GBF1: variants seen among roughly 807,000 people sequenced by gnomAD.
GBF1 encodes the protein Golgi-specific brefeldin A-resistance guanine nucleotide exchange factor 1.
GBF1 carries 114 observed loss-of-function variants against 210.5 expected under a neutral mutation model. The ratio of observed to expected loss-of-function variants is 0.54; its 90% CI spans 0.47 to 0.63. GBF1 has a LOEUF of 0.63. Ranked by LOEUF, GBF1 falls within the 30% of genes least tolerant of loss-of-function variation. The pLI is 0.00. For synonymous variants in GBF1, 850 were observed against 889.2 expected, an observed-to-expected ratio of 0.96 and a Z score of 0.78; for missense variants, 1,851 against 2,357.7, an observed-to-expected ratio of 0.79 and a Z score of 4.45.
chr10:102,234,487 G>A, the GBF1 span, among the ~76,000 whole-genome samples: 1 of 152,166 alleles, frequency 6.6e-6, no homozygotes, highest in Admixed American at 6.5e-5. Context: ...GTCAGGTCAG[G>A]GGGTTTGGAG....
Position 102,362,483 on chromosome 10 carries a change from C to T in GBF1, c.1695C>T (p.Phe565=). The T allele has an allele frequency of 6.2e-7, 1 of 1,608,368 alleles. No individual in the cohort carries two copies. The highest frequency in any genetic ancestry group is 8.5e-7 in the Non-Finnish European group (1 of 1,175,098). ...ATCTGTTTACTTTCCAGAATGCCTT[C>T]CCTGTGTCTGGTCAACTCTATACAA... The part of the protein sequence containing the change: ...ELTKLLSKNA[F]PVSGQLYTTH... Residue 565 remains phenylalanine, a synonymous_variant, in exon 15 of 40, where the codon TTC becomes TTT. Coordinates refer to ENST00000369983, the MANE Select transcript of GBF1 (RefSeq NM_001377137.1).
At chr10:102,275,218 C>T (rs571297372) in intron 3 of GBF1, among the ~76,000 whole-genome samples, 9 of 152,120 alleles carry the variant, frequency 5.9e-5, no homozygotes, top group African/African-American at 1.9e-4. Context: ...CTGTTTTTTC[C>T]AGCCAGGGTC....
intron 3 of GBF1, among the ~76,000 whole-genome samples, chr10:102,293,776 T>TTTTTG: frequency 3.5e-5 from 1 of 28,220 alleles, no homozygotes; most frequent in Non-Finnish European, 6.0e-5. Flanking sequence ...TTTGTGTTTT[T>TTTTTG]TTTTTTTTTT....
At chr10:102,235,084 A>G in the GBF1 span, among the ~76,000 whole-genome samples, 1 of 152,064 alleles carries the variant, frequency 6.6e-6, no homozygotes, top group Non-Finnish European at 1.5e-5. Context: ...ATCCAGGCAG[A>G]CAGACACGTA....
rs149749441 is a variant in GBF1, at chr10:102,322,032, G to T, written c.164-22019G>T. Among the ~76,000 whole-genome samples the T allele has an allele frequency of 3.9e-3, 593 of 152,090 alleles. 3 individuals are homozygous for T. The highest frequency in any genetic ancestry group is 5.0e-3 in the African/African-American group (206 of 41,512). Reference sequence around the variant, plus strand: ...CAACACCACGCCCAGGTAATTTTTTGTATTTTTTGTAGAGACAGGGTTTCA... The same window carrying T: ...CAACACCACGCCCAGGTAATTTTTTTTATTTTTTGTAGAGACAGGGTTTCA... On this transcript the variant is annotated intron_variant, in intron 3 of 39. Transcript: ENST00000369983.
chr10:102,332,596 C>T (rs969017758), intron 3 of GBF1, among the ~76,000 whole-genome samples: 1 of 152,098 alleles, frequency 6.6e-6, no homozygotes, highest in Admixed American at 6.6e-5. Flanking sequence ...GTTGGTCAGG[C>T]TGGTATCTAA....
At chr10:102,343,617 G>A (rs570527527) in intron 3 of GBF1, among the ~76,000 whole-genome samples, 1 of 152,024 alleles carries the variant, frequency 6.6e-6, no homozygotes, top group Admixed American at 6.6e-5. Context: ...TCAGGAGTTC[G>A]AGACCAACCT....
chr10:102,316,602 G>A (rs916290113), intron 3 of GBF1, among the ~76,000 whole-genome samples: 13 of 152,290 alleles, frequency 8.5e-5, no homozygotes, highest in African/African-American at 3.1e-4. Flanking sequence ...CACAGTTAAC[G>A]AGTAGAATAC....
In GBF1 at chr10:102,361,986, TTACA is replaced by T. The variant is rs527581341; in HGVS notation, c.1686+79_1686+82del. ...AATCTCCCTGGTGGTAGTGAGGATG[TTACA>T]TACAGAGAGGGGAACACTTGAGAGC... On this transcript the variant is annotated intron_variant, in intron 14 of 39. Coordinates refer to ENST00000369983, the MANE Select transcript of GBF1 (RefSeq NM_001377137.1). 2.0e-5 allele frequency: 15 copies of T among 758,592 alleles called. No homozygotes were observed. The African/African-American group carries it at 2.1e-4, about 11-fold the overall frequency. 47.0% of individuals were successfully genotyped at this position (758,592 alleles called of 1,614,324 possible). A position where few individuals can be genotyped will look rare whatever the true frequency, so the allele number is the denominator to read the frequency against.
Position 102,380,263 on chromosome 10 carries a change from C to G in GBF1, c.4893C>G (p.His1631Gln), listed in dbSNP as rs775230240. 1 of 1,613,194 alleles carries G rather than the reference C, an allele frequency of 6.2e-7. No individual in the cohort carries two copies. Among genetic ancestry groups the G allele is most frequent in the East Asian group, 2.2e-5 (1 of 44,882 alleles). Residue 1631 changes from histidine to glutamine, a missense_variant, in exon 37 of 40, where the codon CAC becomes CAG. Coordinates refer to ENST00000369983, the MANE Select transcript of GBF1 (RefSeq NM_001377137.1). Reference protein sequence around the residue: ...STLLSKVFLQHLSPLLSLSTF... With the variant: ...STLLSKVFLQQLSPLLSLSTF... ...GTGGGCCATAGGTCTTCCTGCAGCA[C>G]CTGTCTCCACTGCTGTCACTCTCTA...
At chr10:102,294,003 C>T (rs1045112470) in intron 3 of GBF1, among the ~76,000 whole-genome samples, 1 of 151,354 alleles carries the variant, frequency 6.6e-6, no homozygotes, top group Non-Finnish European at 1.5e-5. Context: ...TGGTCTCGAT[C>T]TCCTGACCTC....
chr10:102,233,081 T>C, the GBF1 span, among the ~76,000 whole-genome samples: 1 of 152,240 alleles, frequency 6.6e-6, no homozygotes, highest in Admixed American at 6.5e-5. Flanking sequence ...TAATGCTTTT[T>C]CTTTGTTTGC....
rs1565184994 is a variant in GBF1 at position 102,376,976 on chromosome 10, G to T, written c.4330G>T (p.Asp1444Tyr). The T allele has an allele frequency of 2.5e-6, 4 of 1,614,090 alleles. No homozygotes were observed. Among genetic ancestry groups the T allele is most frequent in the Non-Finnish European group, 3.4e-6 (4 of 1,180,044 alleles). The change falls in exon 33 of 40, where the codon GAC becomes TAC. Residue 1444 changes from aspartate to tyrosine, a missense_variant. Transcript: ENST00000369983. Reference sequence around the variant, plus strand: ...GAAACGTGGCAAGAGTCACAAATATGACAGCAAAGGGAACCGCTTCAAGAA... The same window carrying T: ...GAAACGTGGCAAGAGTCACAAATATTACAGCAAAGGGAACCGCTTCAAGAA... ...QEKRGKSHKY[D>Y]SKGNRFKKKS... is the part of the protein sequence containing the mutation.
chr10:102,266,134 GA>G (rs1451587068), intron 3 of GBF1, among the ~76,000 whole-genome samples: 1 of 152,072 alleles, frequency 6.6e-6, no homozygotes. Context: ...AGCTACTCGG[GA>G]GGCTGAGGCA....
At chr10:102,263,705 C>T (rs953239128) in intron 3 of GBF1, among the ~76,000 whole-genome samples, 1 of 152,164 alleles carries the variant, frequency 6.6e-6, no homozygotes, top group Non-Finnish European at 1.5e-5. Flanking sequence ...AGATGTATGT[C>T]ATTGGACCAC....
In GBF1 at chr10:102,290,661, G is replaced by A. The variant is rs548274626; in HGVS notation, c.163+30545G>A. On this transcript the variant is annotated intron_variant, in intron 3 of 39. Transcript: ENST00000369983. Reference sequence around the variant, plus strand: ...CTACAGGTGTGTGCCTCCACTCCTGGCTAATTTCTATATATTAATATTTTG... The same window carrying A: ...CTACAGGTGTGTGCCTCCACTCCTGACTAATTTCTATATATTAATATTTTG... Among the ~76,000 whole-genome samples the A allele has an allele frequency of 1.1e-4, 17 of 152,106 alleles. 1 individual carries two copies. In the East Asian group the frequency reaches 3.1e-3, roughly 28 times the overall value.
chr10:102,232,783 C>T, the GBF1 span, among the ~76,000 whole-genome samples: 1 of 152,244 alleles, frequency 6.6e-6, no homozygotes, highest in Non-Finnish European at 1.5e-5. Flanking sequence ...TAGTATCCCC[C>T]TATACTCATA....
the GBF1 span, chr10:102,231,215 G>C: frequency 9.5e-7 from 1 of 1,047,482 alleles, no homozygotes; most frequent in Non-Finnish European, 1.3e-6. Context: ...AACGAGATGA[G>C]GTGGCTAGAG....
intron 3 of GBF1, among the ~76,000 whole-genome samples, chr10:102,284,665 G>A (rs1378698801): frequency 3.3e-5 from 5 of 152,096 alleles, no homozygotes; most frequent in Admixed American, 2.0e-4. Flanking sequence ...CCATTCATTC[G>A]TTGATGGACA....
Sources: gnomAD v4.1 joint callset for allele counts (sites outside exome capture counted in the v4.1 genomes callset) on GRCh38, gnomAD v4.1.1 for gene constraint, MANE v1.5 for transcripts, NCBI Gene and HGNC (gene_info 2026-07-23, HGNC 2026-07-21) for gene names.